Variants in PSMG4 observed in about 807,000 individuals in gnomAD.
PSMG4 encodes the protein proteasome (prosome, macropain) assembly chaperone 4.
A neutral mutation model predicts 11.0 loss-of-function variants in PSMG4; 10 were observed. The ratio of observed to expected loss-of-function variants is 0.91; its 90% CI spans 0.56 to 1.54. PSMG4 has a LOEUF of 1.54. Among genes scored for constraint, PSMG4 ranks in the 40% most tolerant of loss-of-function variants. The pLI, the probability that PSMG4 is intolerant of heterozygous loss-of-function variation, is 0.00. For missense variants in PSMG4, 198 were observed against 160.9 expected (o/e 1.23, Z -1.25); for synonymous variants, 95 against 71.3 (o/e 1.33, Z -1.68).
chr6:3,254,540 G>C (rs543061803), upstream of PSMG4, among the ~76,000 whole-genome samples: 1 of 152,106 alleles, frequency 6.6e-6, no homozygotes, highest in African/African-American at 2.4e-5. Flanking sequence ...TTATCTGGAA[G>C]GTGTGCAGAT....
At chr6:3,257,721 A>G (rs1757812976), upstream of PSMG4, among the ~76,000 whole-genome samples, 1 of 152,146 alleles carries the variant, frequency 6.6e-6, no homozygotes. Flanking sequence ...GAAGCAGATC[A>G]GTGGTTGGGG....
At chr6:3,257,582 C>CCATT (rs1270675123), upstream of PSMG4, among the ~76,000 whole-genome samples, 1 of 152,034 alleles carries the variant, frequency 6.6e-6, no homozygotes, top group Non-Finnish European at 1.5e-5. Flanking sequence ...AAGACACAAG[C>CCATT]CATTGACACA....
chr6:3,262,870 A>G (rs1239620287), intron 1 of PSMG4, among the ~76,000 whole-genome samples: 1 of 151,460 alleles, frequency 6.6e-6, no homozygotes, highest in East Asian at 1.9e-4. Context: ...ATGTAGAGAC[A>G]GATCTTACTT....
chr6:3,255,341 C>G, upstream of PSMG4: 1 of 1,463,468 alleles, frequency 6.8e-7, no homozygotes, highest in South Asian at 1.4e-5. Context: ...TGGAGTCATT[C>G]TATGTAGTTG....
Position 3,267,743 on chromosome 6 carries a change from T to C in PSMG4, c.*31T>C, listed in dbSNP as rs1278576252. The C allele has an allele frequency of 6.5e-7, 1 of 1,547,280 alleles. No individual in the cohort carries two copies. Among genetic ancestry groups the C allele is most frequent in the Non-Finnish European group, 8.7e-7 (1 of 1,143,508 alleles). ...TGGCAGAAGTGAGAATTTGTAAACT[T>C]ATGTACAATGTACGTGTAAATAAAT... On this transcript the variant is annotated 3_prime_UTR_variant, in exon 3 of 3. Transcript: ENST00000438998.
At chr6:3,259,219 TGCGGGCGGCGGGGCGGGGGC>T (rs1380892930) in intron 1 of PSMG4, 23 bp downstream of exon 1, 3 of 1,250,216 alleles carry the variant, frequency 2.4e-6, no homozygotes, top group African/African-American at 1.6e-5. Context: ...CGGCCGAGGG[TGCGGGCGGCGGGGCGGGGGC>T]GCGGGGGCGC....
chr6:3,262,148 C>G (rs1017716546), intron 1 of PSMG4, among the ~76,000 whole-genome samples: 1 of 152,184 alleles, frequency 6.6e-6, no homozygotes, highest in African/African-American at 2.4e-5. Flanking sequence ...TGGGCCCGTG[C>G]CTGCTCAGGG....
chr6:3,255,718 G>A (rs1276821660), upstream of PSMG4, among the ~76,000 whole-genome samples: 1 of 152,200 alleles, frequency 6.6e-6, no homozygotes, highest in Non-Finnish European at 1.5e-5. Context: ...CTGAAGAAGG[G>A]GTATTGGTAA....
At chr6:3,265,528 T>G (rs1208136115) in intron 2 of PSMG4, 3 of 152,196 alleles carry the variant, frequency 2.0e-5, no homozygotes, top group Non-Finnish European at 4.4e-5. Context: ...TTAGAACAGT[T>G]GGAATACCAG....
At chr6:3,254,970 A>T (rs911273449), upstream of PSMG4, 5 of 1,449,432 alleles carry the variant, frequency 3.4e-6, no homozygotes, top group Non-Finnish European at 4.6e-6. Flanking sequence ...AGAGCATGTG[A>T]TGTGGCTGTG....
intron 2 of PSMG4, chr6:3,267,144 C>T (rs1012243610): frequency 2.2e-4 from 34 of 152,976 alleles, no homozygotes; most frequent in African/African-American, 4.1e-4. Context: ...CGTGAGCCAC[C>T]GCTCCCGGCC....
intron 1 of PSMG4, among the ~76,000 whole-genome samples, chr6:3,260,373 C>T (rs1204008352): frequency 7.2e-6 from 1 of 139,174 alleles, no homozygotes; most frequent in Non-Finnish European, 1.5e-5. Context: ...CTTACTGCAA[C>T]CTCCGCCTCC....
chr6:3,254,649 C>T (rs192605886), upstream of PSMG4, among the ~76,000 whole-genome samples: 35 of 152,260 alleles, frequency 2.3e-4, no homozygotes, highest in Non-Finnish European at 2.1e-4. Context: ...TGAAGGCCTA[C>T]AGCTTTGTTC....
upstream of PSMG4, among the ~76,000 whole-genome samples, chr6:3,258,259 C>T (rs1189839159): frequency 2.6e-5 from 4 of 152,210 alleles, no homozygotes; most frequent in African/African-American, 4.8e-5. Context: ...TTCTTATTTG[C>T]ATTTTGCAGA....
intron 1 of PSMG4, among the ~76,000 whole-genome samples, chr6:3,259,668 TC>T (rs1325932311): frequency 1.3e-5 from 2 of 152,230 alleles, no homozygotes; most frequent in African/African-American, 4.8e-5. Flanking sequence ...AGCTCCATCT[TC>T]CTGGCTGTGC....
At chr6:3,258,689 G>A (rs1320218192), upstream of PSMG4, among the ~76,000 whole-genome samples, 1 of 152,078 alleles carries the variant, frequency 6.6e-6, no homozygotes, top group Non-Finnish European at 1.5e-5. Flanking sequence ...GGTGAGTTCT[G>A]CTGGGCGCCC....
At chr6:3,266,326 C>T (rs4337973) in intron 2 of PSMG4, 131,165 of 152,144 alleles carry the variant, frequency 0.86, 56,718 homozygotes, top group Non-Finnish European at 0.87. Context: ...GATCCCATGA[C>T]GTGTGTTCTA....
intron 1 of PSMG4, among the ~76,000 whole-genome samples, chr6:3,262,167 A>AC (rs545849855): frequency 9.9e-5 from 15 of 151,352 alleles, no homozygotes; most frequent in Non-Finnish European, 2.1e-4. Flanking sequence ...GGATTCTTGG[A>AC]CCCCCCGCCC....
upstream of PSMG4, chr6:3,254,944 A>G: frequency 2.4e-6 from 3 of 1,263,042 alleles, no homozygotes; most frequent in Non-Finnish European, 3.2e-6. Context: ...ACTGGGTGTC[A>G]GCTGTTGGGT....
Sources: allele counts gnomAD v4.1 joint callset (sites outside exome capture counted in the v4.1 genomes callset), GRCh38; gene constraint gnomAD v4.1.1; transcripts MANE v1.5; gene names NCBI Gene and HGNC (gene_info 2026-07-23, HGNC 2026-07-21).